The following CCRL2 variants were observed in gnomAD, a reference collection of about 807,000 sequenced individuals.
The protein encoded by CCRL2 is C-C chemokine receptor-like 2.
For missense variants in CCRL2, 451 were observed against 412.4 expected (o/e 1.09, Z -0.81); for synonymous variants, 181 against 165.6 (o/e 1.09, Z -0.71).
In CCRL2 at chr3:46,408,399, T is replaced by C. The variant is rs200793737; in HGVS notation, c.320T>C (p.Ile107Thr). 186 of 1,614,210 alleles carry C rather than the reference T, an allele frequency of 1.2e-4. No individual in the cohort carries two copies. In the Middle Eastern group the frequency reaches 1.3e-3, roughly 11 times the overall value. Residue 107 changes from isoleucine to threonine, a missense_variant, in exon 2 of 2, where the codon ATT becomes ACT. Coordinates refer to ENST00000399036, the MANE Select transcript of CCRL2 (RefSeq NM_003965.5). Reference protein sequence around the residue: ...AGGDPMCKILIGLYFVGLYSE... With the variant: ...AGGDPMCKILTGLYFVGLYSE... ...GGCGATCCCATGTGTAAAATTCTCA[T>C]TGGACTGTACTTCGTGGGCCTGTAC...
chr3:46,409,088 G>A lies in CCRL2; in HGVS notation c.1009G>A (p.Glu337Lys), dbSNP rs1459623299. 5.6e-6 allele frequency: 9 copies of A among 1,612,082 alleles called. No individual in the cohort carries two copies. Among genetic ancestry groups the A allele is most frequent in the Non-Finnish European group, 7.6e-6 (9 of 1,178,508 alleles). ...GTCTGCACAAGGCACATCGAGGGAA[G>A]AACCTGACCATTCCACCGAAGTGTA... ...GQSAQGTSRE[E>K]PDHSTEV Residue 337 changes from glutamate to lysine, a missense_variant, in exon 2 of 2, where the codon GAA becomes AAA. Glu to Lys is a moderately conservative substitution (Grantham distance 56). Coordinates refer to ENST00000399036, the MANE Select transcript of CCRL2 (RefSeq NM_003965.5).
In CCRL2 at chr3:46,408,835, G is replaced by A. The variant is rs557325885; in HGVS notation, c.756G>A (p.Ala252=). ...AIMVVFLLMW[A]PYNIAFFLST... ...TGGTAGTCTTCCTTCTGATGTGGGC[G>A]CCCTACAATATTGCATTTTTCCTGT... Residue 252 remains alanine, a synonymous_variant, in exon 2 of 2, where the codon GCG becomes GCA. Transcript: ENST00000399036. 5.6e-5 allele frequency: 91 copies of A among 1,613,986 alleles called. No individual in the cohort carries two copies. Among genetic ancestry groups the A allele is most frequent in the Middle Eastern group, 1.6e-4 (1 of 6,084 alleles).
At chr3:46,408,035 C>T (rs1236708365) in intron 1 of CCRL2, 33 bp from the exon 2 acceptor site, 12 of 1,467,972 alleles carry the variant, frequency 8.2e-6, no homozygotes, top group South Asian at 1.3e-5. Flanking sequence ...AGGCAGCTGT[C>T]GGAGGGGAAA....
chr3:46,409,032 G>T lies in CCRL2; in HGVS notation c.953G>T (p.Arg318Leu). The T allele has an allele frequency of 6.2e-7, 1 of 1,614,128 alleles. No individual in the cohort carries two copies. The highest frequency in any genetic ancestry group is 8.5e-7 in the Non-Finnish European group (1 of 1,180,032). The change falls in exon 2 of 2, where the codon CGT (arginine) becomes CTT (leucine). Residue 318 changes from arginine (R) to leucine (L), a missense_variant. By Grantham distance (102) the Arg-to-Leu change is moderately radical. Coordinates refer to ENST00000399036, the MANE Select transcript of CCRL2 (RefSeq NM_003965.5). ...TACCTCTGCCGCTGTTTCCATCTGCGTAGTAACACCCCACTTCAACCCAGG... is the reference window on the plus strand; with the variant it reads ...TACCTCTGCCGCTGTTTCCATCTGCTTAGTAACACCCCACTTCAACCCAGG... ...SKYLCRCFHL[R>L]SNTPLQPRGQ...
chr3:46,407,936 T>C (rs1405545144), intron 1 of CCRL2, 132 bp from the exon 2 acceptor site: 1 of 724,466 alleles, frequency 1.4e-6, no homozygotes, highest in Non-Finnish European at 2.2e-6. Flanking sequence ...TCTTCTGAAA[T>C]AGGGAATTAC....
rs1418123744 is a variant in CCRL2, at chr3:46,409,039, C to T, written c.960C>T (p.Asn320=). The change falls in exon 2 of 2, where the codon AAC becomes AAT. Residue 320 remains asparagine, a synonymous_variant. Coordinates refer to ENST00000399036, the MANE Select transcript of CCRL2 (RefSeq NM_003965.5). The stretch of plus-strand genomic sequence containing the variant: ...GCCGCTGTTTCCATCTGCGTAGTAA[C>T]ACCCCACTTCAACCCAGGGGGCAGT... ...YLCRCFHLRS[N]TPLQPRGQSA... 6.2e-7 allele frequency: 1 copy of T among 1,614,186 alleles called. No homozygotes were observed.
In CCRL2 at chr3:46,409,288, C is replaced by T; in HGVS notation, c.*174C>T. On this transcript the variant is annotated 3_prime_UTR_variant, in exon 2 of 2. Transcript: ENST00000399036. ...CTCAGGCACCGTGCAAGGCTCTTTA[C>T]AAACGTGAGCTCCTTCGCCTCCTAC... 1 of 642,464 alleles carries T rather than the reference C, an allele frequency of 1.6e-6. No individual in the cohort carries two copies. The highest frequency in any genetic ancestry group is 2.0e-5 in the South Asian group (1 of 50,012). 39.8% of individuals were successfully genotyped at this position (642,464 alleles called of 1,614,324 possible).
Position 46,408,249 on chromosome 3 carries a change from T to G in CCRL2, c.170T>G (p.Leu57Arg), listed in dbSNP as rs775064761. The change falls in exon 2 of 2, where the codon CTC becomes CGC. Residue 57 changes from leucine to arginine, a missense_variant. By Grantham distance (102) the Leu-to-Arg change is moderately radical. Coordinates refer to ENST00000399036, the MANE Select transcript of CCRL2 (RefSeq NM_003965.5). ...TTTGTGATCGGTGTCCTGGACAATC[T>G]CCTGGTTGTGCTTATCCTGGTAAAA... ...AVFVIGVLDN[L>R]LVVLILVKYK... The G allele has an allele frequency of 3.7e-6, 6 of 1,614,100 alleles. No individual in the cohort carries two copies. Among genetic ancestry groups the G allele is most frequent in the African/African-American group, 2.7e-5 (2 of 74,926 alleles).
Position 46,409,065 on chromosome 3 carries a change from C to A in CCRL2, c.986C>A (p.Ser329Tyr). 6.2e-7 allele frequency: 1 copy of A among 1,614,138 alleles called. No individual in the cohort carries two copies. Among genetic ancestry groups the A allele is most frequent in the Non-Finnish European group, 8.5e-7 (1 of 1,179,990 alleles). ...SNTPLQPRGQSAQGTSREEPD... is the reference protein window; with the variant it reads ...SNTPLQPRGQYAQGTSREEPD... ...ACCCCACTTCAACCCAGGGGGCAGT[C>A]TGCACAAGGCACATCGAGGGAAGAA... Residue 329 changes from serine (S) to tyrosine (Y), a missense_variant, in exon 2 of 2, where the codon TCT becomes TAT. Ser to Tyr is a moderately radical substitution (Grantham distance 144). Transcript: ENST00000399036.
chr3:46,407,273 T>C lies in CCRL2; in HGVS notation c.-242T>C, dbSNP rs1559578836. ...CGGTTGCTTTCAGACGCTTCAGAGA[T>C]CCTCTGGAGGCCTGGGGGAGCTTTT... On this transcript the variant is annotated 5_prime_UTR_variant, in exon 1 of 2. Coordinates refer to ENST00000399036, the MANE Select transcript of CCRL2 (RefSeq NM_003965.5). 5.2e-6 allele frequency: 1 copy of C among 193,384 alleles called. No individual in the cohort carries two copies. Among genetic ancestry groups the C allele is most frequent in the Non-Finnish European group, 1.0e-5 (1 of 95,444 alleles). The allele number at this position is 193,384 out of a possible 1,614,324, so 12.0% of individuals were successfully genotyped here. A position where few individuals can be genotyped will look rare whatever the true frequency, so the allele number is the denominator to read the frequency against.
rs912536938 is a variant in CCRL2 at position 46,409,493 on chromosome 3, G to A, written c.*379G>A. The A allele has an allele frequency of 9.4e-5, 19 of 201,386 alleles. No individual in the cohort carries two copies. The highest frequency in any genetic ancestry group is 4.2e-4 in the African/African-American group (18 of 42,998). The allele number at this position is 201,386 out of a possible 1,614,324, so 12.5% of individuals were successfully genotyped here. Reference sequence around the variant, plus strand: ...CAAACTCCAAACCCTGGGGACAAACGACATGAAATAAATGTATTTTAAAAC... The same window carrying A: ...CAAACTCCAAACCCTGGGGACAAACAACATGAAATAAATGTATTTTAAAAC... On this transcript the variant is annotated 3_prime_UTR_variant, in exon 2 of 2. Coordinates refer to ENST00000399036, the MANE Select transcript of CCRL2 (RefSeq NM_003965.5).
At chr3:46,407,900 A>T in intron 1 of CCRL2, 168 bp from the exon 2 acceptor site, 1 of 673,146 alleles carries the variant, frequency 1.5e-6, no homozygotes, top group East Asian at 2.7e-5. Context: ...GGAAGTGGGC[A>T]CACGTTAAAG....
Position 46,407,333 on chromosome 3 carries a change from G to A in CCRL2, c.-182G>A, listed in dbSNP as rs1702060310. 1 of 313,538 alleles carries A rather than the reference G, an allele frequency of 3.2e-6. No individual in the cohort carries two copies. Among genetic ancestry groups the A allele is most frequent in the Non-Finnish European group, 5.8e-6 (1 of 173,452 alleles). The allele number at this position is 313,538 out of a possible 1,614,324, so 19.4% of individuals were successfully genotyped here. Reference sequence around the variant, plus strand: ...ATTTCAGTTGGTCCCTGAGCTCGGTGAGTGGGGCGGGTAGAGCCACCAGGG... The same window carrying A: ...ATTTCAGTTGGTCCCTGAGCTCGGTAAGTGGGGCGGGTAGAGCCACCAGGG... On this transcript the variant is annotated 5_prime_UTR_variant, in exon 1 of 2. Coordinates refer to ENST00000399036, the MANE Select transcript of CCRL2 (RefSeq NM_003965.5).
In CCRL2 at chr3:46,408,606, AC is replaced by A; in HGVS notation, c.529del (p.Gln177ArgfsTer24). 1 of 1,614,104 alleles carries A rather than the reference AC, an allele frequency of 6.2e-7. No individual in the cohort carries two copies. Among genetic ancestry groups the A allele is most frequent in the South Asian group, 1.1e-5 (1 of 91,078 alleles). ...EFVVYKPQME[D>X]QKYKCAFSRT... is the part of the protein sequence containing the mutation. Reference sequence around the variant, plus strand: ...GTGGTTTATAAACCTCAGATGGAAGACCAGAAATACAAGTGTGCATTTAGCA... The same window carrying A: ...GTGGTTTATAAACCTCAGATGGAAGACAGAAATACAAGTGTGCATTTAGCA... On this transcript the variant is annotated frameshift_variant, in exon 2 of 2. Coordinates refer to ENST00000399036, the MANE Select transcript of CCRL2 (RefSeq NM_003965.5). LOFTEE classifies it low-confidence loss of function (END_TRUNC).
chr3:46,408,997 A>G lies in CCRL2; in HGVS notation c.918A>G (p.Thr306=). 3 of 1,614,186 alleles carry G rather than the reference A, an allele frequency of 1.9e-6. No homozygotes were observed. Among genetic ancestry groups the G allele is most frequent in the East Asian group, 2.2e-5 (1 of 44,884 alleles). The change falls in exon 2 of 2, where the codon ACA becomes ACG. Residue 306 remains threonine, a synonymous_variant. Transcript: ENST00000399036. The part of the protein sequence containing the change: ...NPLLYAFLDG[T]FSKYLCRCFH... Reference sequence around the variant, plus strand: ...TCCTGTATGCGTTTCTTGATGGGACATTTAGCAAATACCTCTGCCGCTGTT... The same window carrying G: ...TCCTGTATGCGTTTCTTGATGGGACGTTTAGCAAATACCTCTGCCGCTGTT...
chr3:46,407,896 G>A (rs1263690088), intron 1 of CCRL2, 172 bp from the exon 2 acceptor site: 4 of 668,820 alleles, frequency 6.0e-6, no homozygotes, highest in Non-Finnish European at 1.0e-5. Context: ...CTGGGGAAGT[G>A]GGCACACGTT....
In CCRL2 at chr3:46,408,145, C is replaced by A. The variant is rs200036183; in HGVS notation, c.66C>A (p.Ser22Arg). ...TCCTCATAGAAGGTGAACTGGAGAG[C>A]GATGAGGCAGAGCAATGTGACAAGT... is the stretch of plus-strand genomic sequence containing the variant. Reference protein sequence around the residue: ...YDVLIEGELESDEAEQCDKYD... With the variant: ...YDVLIEGELERDEAEQCDKYD... Residue 22 changes from serine (S) to arginine (R), a missense_variant, in exon 2 of 2, where the codon AGC becomes AGA. Coordinates refer to ENST00000399036, the MANE Select transcript of CCRL2 (RefSeq NM_003965.5). The A allele has an allele frequency of 6.2e-6, 10 of 1,607,642 alleles. No individual in the cohort carries two copies. The highest frequency in any genetic ancestry group is 2.2e-5 in the East Asian group (1 of 44,732).
rs752597411 is a variant in CCRL2 at position 46,408,957 on chromosome 3, G to C, written c.878G>C (p.Cys293Ser). 1.9e-6 allele frequency: 3 copies of C among 1,614,094 alleles called. No individual in the cohort carries two copies. The change falls in exon 2 of 2, where the codon TGC becomes TCC. Residue 293 changes from cysteine (C) to serine (S), a missense_variant. Physicochemically the swap from Cys to Ser is moderately radical, Grantham distance 112. Coordinates refer to ENST00000399036, the MANE Select transcript of CCRL2 (RefSeq NM_003965.5). ...HITKLIATTH[C>S]CINPLLYAFL... ...ACTAAACTCATCGCCACCACCCACT[G>C]CTGCATCAACCCTCTCCTGTATGCG...
In CCRL2 at chr3:46,408,927, A is replaced by T; in HGVS notation, c.848A>T (p.His283Leu). 6.2e-7 allele frequency: 1 copy of T among 1,614,178 alleles called. No individual in the cohort carries two copies. The highest frequency in any genetic ancestry group is 8.5e-7 in the Non-Finnish European group (1 of 1,180,034). The change falls in exon 2 of 2, where the codon CAC (histidine) becomes CTC (leucine). Residue 283 changes from histidine to leucine, a missense_variant. Transcript: ENST00000399036. ...AGCTACAATCTGGACAAAAGTGTTCACATCACTAAACTCATCGCCACCACC... is the reference window on the plus strand; with the variant it reads ...AGCTACAATCTGGACAAAAGTGTTCTCATCACTAAACTCATCGCCACCACC... The part of the protein sequence containing the change: ...KSSYNLDKSV[H>L]ITKLIATTHC...
Sources: allele counts gnomAD v4.1 joint callset, GRCh38; gene constraint gnomAD v4.1.1; transcripts MANE v1.5; gene names NCBI Gene and HGNC (gene_info 2026-07-23, HGNC 2026-07-21).